The following ASPH variants were observed in gnomAD, a reference collection of about 807,000 sequenced individuals.
ASPH encodes the protein aspartate beta-hydroxylase.
A neutral mutation model predicts 118.4 loss-of-function variants in ASPH; 100 were observed. The ratio of observed to expected loss-of-function variants is 0.84; its 90% confidence interval spans 0.72 to 1.00. ASPH has a LOEUF of 1.00. ASPH is among the 50% of genes least tolerant of loss of function. The pLI, the probability that ASPH is intolerant of heterozygous loss-of-function variation, is 0.00. For missense variants in ASPH, 920 were observed against 919.5 expected (o/e 1.00, Z -0.01); for synonymous variants, 315 against 325.6 (o/e 0.97, Z 0.35).
rs189555206 is a variant in ASPH, at chr8:61,538,233, C to G, written c.1764+9838G>C. Among the ~76,000 whole-genome samples the G allele has an allele frequency of 5.6e-4, 86 of 152,278 alleles. 2 individuals are homozygous for G. The East Asian group carries it at 0.014, about 26-fold the overall frequency. On this transcript the variant is annotated intron_variant, in intron 21 of 24. Coordinates refer to ENST00000379454, the MANE Select transcript of ASPH (RefSeq NM_004318.4). The stretch of plus-strand genomic sequence containing the variant: ...CAAATCTGTTTCTAATTATGGAGCC[C>G]TTTTAAAAAGTTCACCGTTAAATCA...
At chr8:61,698,322 G>A (rs1563642781) in intron 1 of ASPH, among the ~76,000 whole-genome samples, 1 of 152,210 alleles carries the variant, frequency 6.6e-6, no homozygotes, top group Non-Finnish European at 1.5e-5. Flanking sequence ...TTCTGTGACT[G>A]ATACAAGGGT....
Position 61,517,585 on chromosome 8 carries a change from T to G in ASPH, c.2069A>C (p.His690Pro). The change falls in exon 24 of 25, where the codon CAC (histidine) becomes CCC (proline). Residue 690 changes from histidine to proline, a missense_variant. Coordinates refer to ENST00000379454, the MANE Select transcript of ASPH (RefSeq NM_004318.4). ...TGPTNCRLRM[H>P]LGLVIPKEGC... ...TTCCTTGGGAATCACCAAGCCCAGG[T>G]GCATTCGGAGCCTGCAGTTTGTGGG... is the stretch of plus-strand genomic sequence containing the variant. 1 of 1,614,042 alleles carries G rather than the reference T, an allele frequency of 6.2e-7. No individual in the cohort carries two copies. Among genetic ancestry groups the G allele is most frequent in the East Asian group, 2.2e-5 (1 of 44,880 alleles).
chr8:61,576,548 C>G (rs1835205691), intron 16 of ASPH: 1 of 434,858 alleles, frequency 2.3e-6, no homozygotes, highest in Admixed American at 3.8e-5. Flanking sequence ...TGTTTATTTT[C>G]TTTTCAAAGC....
chr8:61,675,256 T>C, intron 3 of ASPH: 1 of 875,492 alleles, frequency 1.1e-6, no homozygotes, highest in Non-Finnish European at 1.4e-6. Context: ...GGAAAAAGAC[T>C]TATTTAGGAT....
chr8:61,574,912 A>G (rs922560729), intron 16 of ASPH, among the ~76,000 whole-genome samples: 3 of 152,218 alleles, frequency 2.0e-5, no homozygotes, highest in Non-Finnish European at 4.4e-5. Context: ...CAGCACGTGT[A>G]GAATAAAATC....
intron 3 of ASPH, among the ~76,000 whole-genome samples, chr8:61,654,358 A>T (rs900918912): frequency 2.0e-5 from 3 of 152,192 alleles, no homozygotes; most frequent in Non-Finnish European, 2.9e-5. Context: ...GGAACATTAA[A>T]ATAGGTCCTC....
intron 14 of ASPH, among the ~76,000 whole-genome samples, chr8:61,592,397 A>G (rs1841411881): frequency 6.6e-6 from 1 of 152,222 alleles, no homozygotes; most frequent in African/African-American, 2.4e-5. Context: ...ATTTTGGGCA[A>G]CTAATAACTT....
At chr8:61,621,881 C>T (rs576125825) in intron 13 of ASPH, among the ~76,000 whole-genome samples, 10 of 152,206 alleles carry the variant, frequency 6.6e-5, no homozygotes, top group Middle Eastern at 3.4e-3. Context: ...TTTAAATATT[C>T]GTATTCAGAA....
chr8:61,578,343 G>T, intron 15 of ASPH: 4 of 1,606,406 alleles, frequency 2.5e-6, no homozygotes, highest in Non-Finnish European at 2.6e-6. Flanking sequence ...CTCCTGAGTG[G>T]GCAGCAGCAG....
chr8:61,523,356 C>T (rs543366770), intron 22 of ASPH, among the ~76,000 whole-genome samples: 1 of 145,318 alleles, frequency 6.9e-6, no homozygotes, highest in East Asian at 2.0e-4. Flanking sequence ...CGCTCTGTTG[C>T]CCAGGCTGGA....
chr8:61,518,152 C>A, intron 22 of ASPH, 29 bp from the exon 23 acceptor site: 1 of 1,586,556 alleles, frequency 6.3e-7, no homozygotes. Context: ...TTGTTGGAAA[C>A]AAATCACAGT....
intron 1 of ASPH, among the ~76,000 whole-genome samples, chr8:61,696,606 T>C (rs1218496720): frequency 6.6e-6 from 1 of 151,970 alleles, no homozygotes; most frequent in Non-Finnish European, 1.5e-5. Context: ...GAGTCGGCTC[T>C]GCAAACGTAA....
rs147136717 is a variant in ASPH, at chr8:61,593,332, T to C, written c.977-9303A>G. 1.2e-4 allele frequency among the ~76,000 whole-genome samples: 18 copies of C among 152,324 alleles called. No individual in the cohort carries two copies. In the East Asian group the frequency reaches 3.1e-3, roughly 26 times the overall value. ...GGTATTACCAGAAGAAGAAGTAAAT[T>C]TGGGCAACTCTTGAAAGACTCTCTT... On this transcript the variant is annotated intron_variant, in intron 14 of 24. Coordinates refer to ENST00000379454, the MANE Select transcript of ASPH (RefSeq NM_004318.4).
At chr8:61,601,704 G>A (rs1434877974) in intron 14 of ASPH, among the ~76,000 whole-genome samples, 1 of 151,186 alleles carries the variant, frequency 6.6e-6, no homozygotes, top group Non-Finnish European at 1.5e-5. Flanking sequence ...GATTTTGAGA[G>A]AAGTTAACTA....
At chr8:61,593,081 G>A (rs987363709) in intron 14 of ASPH, among the ~76,000 whole-genome samples, 2 of 152,150 alleles carry the variant, frequency 1.3e-5, no homozygotes, top group Admixed American at 1.3e-4. Context: ...ATTGTGCAAG[G>A]TATTCCCTAC....
intron 1 of ASPH, among the ~76,000 whole-genome samples, chr8:61,697,457 T>C (rs1834193745): frequency 6.6e-6 from 1 of 152,186 alleles, no homozygotes; most frequent in Non-Finnish European, 1.5e-5. Flanking sequence ...TGACACTATC[T>C]ACTTGCAGAT....
At chr8:61,617,169 T>G (rs1211476853) in intron 14 of ASPH, among the ~76,000 whole-genome samples, 1 of 152,088 alleles carries the variant, frequency 6.6e-6, no homozygotes, top group Non-Finnish European at 1.5e-5. Context: ...TTTAAAGCCA[T>G]GAGATTAGAT....
intron 2 of ASPH, 92 bp from the exon 3 acceptor site, chr8:61,681,128 A>G: frequency 1.0e-6 from 1 of 977,370 alleles, no homozygotes; most frequent in South Asian, 2.1e-5. Flanking sequence ...CAACTCAGTC[A>G]TAAATGTTAC....
intron 14 of ASPH, among the ~76,000 whole-genome samples, chr8:61,599,968 C>CA (rs954491326): frequency 1.3e-5 from 2 of 151,964 alleles, no homozygotes; most frequent in African/African-American, 2.4e-5. Context: ...ACAAGAACAA[C>CA]AAAAAAATAC....
Sources: allele counts gnomAD v4.1 joint callset (sites outside exome capture counted in the v4.1 genomes callset), GRCh38; gene constraint gnomAD v4.1.1; transcripts MANE v1.5; gene names NCBI Gene and HGNC (gene_info 2026-07-23, HGNC 2026-07-21).